SLC39A14: variants seen among roughly 807,000 people sequenced by gnomAD.
The protein encoded by SLC39A14 is solute carrier family 39 member 14.
SLC39A14 carries 19 observed loss-of-function variants against 45.5 expected under a neutral mutation model. The observed-to-expected ratio is 0.42, with a 90% CI of 0.29 to 0.61. The LOEUF is 0.61. Among genes scored for constraint, SLC39A14 ranks in the 20% least tolerant of loss-of-function variants. SLC39A14 has a pLI of 0.22. For synonymous variants in SLC39A14, 264 were observed against 251.3 expected, an observed-to-expected ratio of 1.05 and a Z score of -0.48; for missense variants, 447 against 616.5, an observed-to-expected ratio of 0.73 and a Z score of 2.91.
chr8:22,419,313 A>C (rs1836080982), intron 8 of SLC39A14, among the ~76,000 whole-genome samples: 1 of 152,106 alleles, frequency 6.6e-6, no homozygotes, highest in African/African-American at 2.4e-5. Context: ...CCTCCCAAGT[A>C]GCTGGGACTA....
At chr8:22,374,255 G>A (rs930955253) in intron 1 of SLC39A14, among the ~76,000 whole-genome samples, 1 of 152,144 alleles carries the variant, frequency 6.6e-6, no homozygotes, top group East Asian at 1.9e-4. Flanking sequence ...GAGACCTGGG[G>A]TCCTTGAGCA....
chr8:22,376,047 A>G (rs1009728195), intron 1 of SLC39A14, among the ~76,000 whole-genome samples: 1 of 152,062 alleles, frequency 6.6e-6, no homozygotes, highest in Admixed American at 6.6e-5. Flanking sequence ...GGGATCCCAC[A>G]CTGTTTAGTT....
chr8:22,408,521 G>A, intron 3 of SLC39A14, 25 bp downstream of exon 3: 2 of 1,600,730 alleles, frequency 1.2e-6, no homozygotes, highest in South Asian at 1.1e-5. Context: ...GAAGGCAGGA[G>A]CCCATCTCCC....
chr8:22,428,441 CTTTTTTTTTT>C (rs59846887), intron 8 of SLC39A14, among the ~76,000 whole-genome samples: 4 of 116,424 alleles, frequency 3.4e-5, no homozygotes, highest in South Asian at 5.9e-4. Context: ...TTCATATGTT[CTTTTTTTTTT>C]TTTTTTTTTG....
chr8:22,418,262 TG>T (rs1836008357), intron 8 of SLC39A14, among the ~76,000 whole-genome samples: 1 of 152,220 alleles, frequency 6.6e-6, no homozygotes, highest in South Asian at 2.1e-4. Context: ...AGAGTTCGTC[TG>T]TTTAAGGTGT....
In SLC39A14 at chr8:22,422,301, A is replaced by G. The variant is rs1000415187; in HGVS notation, c.*2603A>G. On this transcript the variant is annotated 3_prime_UTR_variant, in exon 9 of 9. Coordinates refer to ENST00000381237, the MANE Select transcript of SLC39A14 (RefSeq NM_001128431.4). ...CTCCTTCTCACTTCACCACCGGCAC[A>G]CAGCTTGCCCCTGTCTTTGCCCCCA... 1 of 985,606 alleles carries G rather than the reference A, an allele frequency of 1.0e-6. No individual in the cohort carries two copies. The highest frequency in any genetic ancestry group is 1.2e-6 in the Non-Finnish European group (1 of 829,960). 61.1% of individuals were successfully genotyped at this position (985,606 alleles called of 1,614,324 possible).
rs1271346308 is a variant in SLC39A14, at chr8:22,420,648, G to A, written c.*950G>A. 6 of 985,336 alleles carry A rather than the reference G, an allele frequency of 6.1e-6. No individual in the cohort carries two copies. 61.0% of individuals were successfully genotyped at this position (985,336 alleles called of 1,614,324 possible). Reference sequence around the variant, plus strand: ...TCCCCCAGGTTGAGACGTCTGCAGAGTGGCAAGCTGACTTGTAGAAATGGG... The same window carrying A: ...TCCCCCAGGTTGAGACGTCTGCAGAATGGCAAGCTGACTTGTAGAAATGGG... On this transcript the variant is annotated 3_prime_UTR_variant, in exon 9 of 9. Coordinates refer to ENST00000381237, the MANE Select transcript of SLC39A14 (RefSeq NM_001128431.4).
At chr8:22,381,042 T>C (rs1260803698) in intron 1 of SLC39A14, among the ~76,000 whole-genome samples, 1 of 151,810 alleles carries the variant, frequency 6.6e-6, no homozygotes. Flanking sequence ...GGCGCAATCT[T>C]GGCTCACCAC....
intron 7 of SLC39A14, among the ~76,000 whole-genome samples, chr8:22,416,794 T>A (rs1835912420): frequency 1.3e-5 from 2 of 152,048 alleles, no homozygotes; most frequent in South Asian, 4.1e-4. Context: ...TTTACAGGGG[T>A]GTTTGTTTCC....
At chr8:22,371,444 T>A (rs1832929844) in intron 1 of SLC39A14, among the ~76,000 whole-genome samples, 1 of 32,916 alleles carries the variant, frequency 3.0e-5, no homozygotes, top group East Asian at 2.7e-3. Flanking sequence ...TTTTTTTTTT[T>A]TTTTTTTGAG....
chr8:22,375,508 C>T (rs1414243606), intron 1 of SLC39A14, among the ~76,000 whole-genome samples: 4 of 149,744 alleles, frequency 2.7e-5, no homozygotes, highest in East Asian at 2.0e-4. Context: ...TTTTTTGAGA[C>T]GGAGTCTCAC....
At chr8:22,410,463 T>A (rs1359844796) in intron 3 of SLC39A14, among the ~76,000 whole-genome samples, 1 of 150,896 alleles carries the variant, frequency 6.6e-6, no homozygotes. Flanking sequence ...CTTGCTCTAT[T>A]CTAAGGAGAA....
At position 22,419,670 on chromosome 8, in the gene SLC39A14, T is replaced by G; in HGVS notation, c.1451T>G (p.Met484Arg). The G allele has an allele frequency of 6.2e-7, 1 of 1,613,690 alleles. No homozygotes were observed. Among genetic ancestry groups the G allele is most frequent in the Middle Eastern group, 1.7e-4 (1 of 6,060 alleles). The change falls in exon 9 of 9, where the codon ATG becomes AGG. Residue 484 changes from methionine to arginine, a missense_variant. Around this residue, in one of 2 missense-constraint regions of SLC39A14, gnomAD observed 105 missense variants for 188.4 expected, o/e 0.56. Coordinates refer to ENST00000381237, the MANE Select transcript of SLC39A14 (RefSeq NM_001128431.4). ...TTCACCATCATGGTGGTCCTCACCA[T>G]GTATTCAGGACAGATCCAGATTGGG... ...TGFTIMVVLT[M>R]YSGQIQIG
rs1469800292 is a variant in SLC39A14 at position 22,417,664 on chromosome 8, C to A, written c.1161C>A (p.Ile387=). The A allele has an allele frequency of 3.7e-6, 6 of 1,613,424 alleles. No homozygotes were observed. Among genetic ancestry groups the A allele is most frequent in the Non-Finnish European group, 5.1e-6 (6 of 1,179,740 alleles). ...EFPHELGDFV[I]LLNAGMSIQQ... ...TCGCTGCTGTAGGAGACTTTGTCAT[C>A]CTGCTCAACGCTGGGATGAGCATCC... is the stretch of plus-strand genomic sequence containing the variant. The change falls in exon 8 of 9, where the codon ATC becomes ATA. Residue 387 remains isoleucine (I), a synonymous_variant. Transcript: ENST00000381237.
intron 1 of SLC39A14, among the ~76,000 whole-genome samples, chr8:22,369,483 A>G (rs1832817478): frequency 6.6e-6 from 1 of 152,232 alleles, no homozygotes; most frequent in Non-Finnish European, 1.5e-5. Flanking sequence ...TGGGCTCTGC[A>G]GTGGCCACCA....
intron 1 of SLC39A14, 178 bp from the exon 2 acceptor site, chr8:22,404,508 GTCCTTTTTAT>G (rs1835086653): frequency 1.0e-5 from 3 of 286,834 alleles, no homozygotes; most frequent in Admixed American, 1.1e-4. Context: ...TGTTGAATTT[GTCCTTTTTAT>G]TCGTTTTTAT....
chr8:22,393,601 G>A (rs1035669757), intron 1 of SLC39A14, among the ~76,000 whole-genome samples: 9 of 152,178 alleles, frequency 5.9e-5, no homozygotes, highest in African/African-American at 2.2e-4. Context: ...TATCCAGAGT[G>A]TATTAATCAA....
At position 22,408,569 on chromosome 8, in the gene SLC39A14, T is replaced by G. The variant is rs76054297; in HGVS notation, c.457+73T>G. On this transcript the variant is annotated intron_variant, in intron 3 of 8. Transcript: ENST00000381237. Reference sequence around the variant, plus strand: ...TCTCACAAGGACCCCTGGGCTGAGCTGCTGCTGCTCCTCACTGAATGCCTC... The same window carrying G: ...TCTCACAAGGACCCCTGGGCTGAGCGGCTGCTGCTCCTCACTGAATGCCTC... The G allele has an allele frequency of 5.9e-3, 8,244 of 1,393,608 alleles. 395 individuals are homozygous for G. In the African/African-American group the frequency reaches 0.1, roughly 17 times the overall value. 86.3% of individuals were successfully genotyped at this position (1,393,608 alleles called of 1,614,324 possible).
intron 1 of SLC39A14, among the ~76,000 whole-genome samples, chr8:22,383,484 C>T (rs966153071): frequency 6.6e-6 from 1 of 152,120 alleles, no homozygotes; most frequent in Non-Finnish European, 1.5e-5. Flanking sequence ...GGGTGTTTAT[C>T]TTGTTATTTG....
Sources: allele counts gnomAD v4.1 joint callset (sites outside exome capture counted in the v4.1 genomes callset), GRCh38; gene constraint gnomAD v4.1.1; regional missense constraint gnomAD v4.1.1; transcripts MANE v1.5; gene names NCBI Gene and HGNC (gene_info 2026-07-23, HGNC 2026-07-21).